The following PBX1 variants were observed in gnomAD, a reference collection of about 807,000 sequenced individuals.
The protein encoded by PBX1 is PBX homeobox 1, also known as pre-B-cell leukemia transcription factor 1.
Under a neutral mutation model 53.4 loss-of-function variants are expected in PBX1, and 6 were observed. The observed-to-expected ratio is 0.11, with a 90% CI of 0.06 to 0.22. The LOEUF is 0.22. PBX1 is among the 10% of genes least tolerant of loss of function. The pLI is 1.00. For synonymous variants in PBX1, 204 were observed against 212.3 expected, an observed-to-expected ratio of 0.96 and a Z score of 0.34; for missense variants, 251 against 551.4, an observed-to-expected ratio of 0.46 and a Z score of 5.46.
chr1:164,823,394 T>TATAAC (rs1553251157), intron 8 of PBX1, among the ~76,000 whole-genome samples: 1 of 151,354 alleles, frequency 6.6e-6, no homozygotes, highest in Non-Finnish European at 1.5e-5. Context: ...CTTTTTGGGA[T>TATAAC]ATAAGTTTTT....
chr1:164,765,676 A>G (rs577857212), intron 2 of PBX1, among the ~76,000 whole-genome samples: 2 of 152,312 alleles, frequency 1.3e-5, no homozygotes, highest in East Asian at 3.9e-4. Flanking sequence ...TGAAGAAACA[A>G]CTGAGGCTTT....
intron 2 of PBX1, among the ~76,000 whole-genome samples, chr1:164,667,714 A>G (rs543952537): frequency 3.3e-5 from 5 of 152,274 alleles, no homozygotes; most frequent in Admixed American, 6.5e-5. Context: ...TGCCGAGACA[A>G]CGCATTTCAA....
At chr1:164,679,041 A>G (rs547385273) in intron 2 of PBX1, among the ~76,000 whole-genome samples, 1 of 152,332 alleles carries the variant, frequency 6.6e-6, no homozygotes, top group East Asian at 1.9e-4. Context: ...TCTTGTATCA[A>G]GACCAGTGTT....
intron 2 of PBX1, among the ~76,000 whole-genome samples, chr1:164,690,079 C>G (rs1391795116): frequency 6.6e-6 from 1 of 152,192 alleles, no homozygotes; most frequent in East Asian, 1.9e-4. Flanking sequence ...GGTACTGACT[C>G]AATTAGAATG....
intron 2 of PBX1, among the ~76,000 whole-genome samples, chr1:164,578,766 T>C (rs1054267475): frequency 6.6e-6 from 1 of 152,230 alleles, no homozygotes; most frequent in Admixed American, 6.5e-5. Flanking sequence ...GCATGCTTTC[T>C]TTGAATCAAG....
At chr1:164,626,261 CCT>C (rs1309709528) in intron 2 of PBX1, among the ~76,000 whole-genome samples, 2 of 152,126 alleles carry the variant, frequency 1.3e-5, no homozygotes, top group African/African-American at 4.8e-5. Context: ...CCTGGGAAAA[CCT>C]CTCTCAGGAT....
At chr1:164,883,715 G>A (rs1167500081) in intron 2 of PBX1, among the ~76,000 whole-genome samples, 1 of 151,972 alleles carries the variant, frequency 6.6e-6, no homozygotes, top group Non-Finnish European at 1.5e-5. Flanking sequence ...TGGGAGCACC[G>A]GCACCTTCCC....
intron 2 of PBX1, chr1:164,642,566 A>C (rs552187729): frequency 6.6e-6 from 1 of 152,332 alleles, no homozygotes; most frequent in African/African-American, 2.4e-5. Flanking sequence ...TGGCCCCATG[A>C]AATCTGTGGT....
chr1:164,874,406 CGTT>C (rs1226396076), intron 2 of PBX1, among the ~76,000 whole-genome samples: 15 of 152,126 alleles, frequency 9.9e-5, no homozygotes, highest in African/African-American at 3.4e-4. Flanking sequence ...TAACTATATG[CGTT>C]GTTGTGTATT....
At chr1:164,686,017 C>G (rs1662071293) in intron 2 of PBX1, among the ~76,000 whole-genome samples, 1 of 152,170 alleles carries the variant, frequency 6.6e-6, no homozygotes, top group African/African-American at 2.4e-5. Flanking sequence ...AGTTTGAATC[C>G]TCCTTCAGAT....
intron 2 of PBX1, among the ~76,000 whole-genome samples, chr1:164,741,735 A>AGTGTGTGTGT (rs1472287507): frequency 3.6e-5 from 3 of 83,516 alleles, no homozygotes; most frequent in Non-Finnish European, 7.9e-5. Flanking sequence ...AGCATGTATG[A>AGTGTGTGTGT]GTGAGTGTGT....
intron 2 of PBX1, among the ~76,000 whole-genome samples, chr1:164,653,169 G>T (rs1368586789): frequency 6.6e-6 from 1 of 152,032 alleles, no homozygotes; most frequent in African/African-American, 2.4e-5. Context: ...ACCCAGCCTT[G>T]TTTAAACTTT....
In PBX1 at chr1:164,812,014, C is replaced by T. The variant is rs1259895025; in HGVS notation, c.862C>T (p.Arg288Ter). The T allele has an allele frequency of 6.2e-7, 1 of 1,613,072 alleles. No individual in the cohort carries two copies. The highest frequency in any genetic ancestry group is 8.5e-7 in the Non-Finnish European group (1 of 1,179,540). ...GGTATCAAACTGGTTTGGAAATAAG[C>T]GAATCCGGTACAAGAAGAACATAGG... ...SQVSNWFGNKRIRYKKNIGKF... is the reference protein window; with the variant it reads ...SQVSNWFGNK Residue 288 changes from arginine to a stop codon, truncating the protein, a stop_gained, in exon 6 of 9, where the codon CGA becomes TGA. Coordinates refer to ENST00000420696, the MANE Select transcript of PBX1 (RefSeq NM_002585.4). LOFTEE classifies it high-confidence loss of function.
intron 2 of PBX1, among the ~76,000 whole-genome samples, chr1:164,573,484 C>CT (rs747696401): frequency 0.013 from 1,386 of 104,570 alleles, 8 homozygotes; most frequent in Non-Finnish European, 0.017. Flanking sequence ...TACAGCACAT[C>CT]TTTTTTTTTT....
chr1:164,709,349 C>T (rs957155138), intron 2 of PBX1, among the ~76,000 whole-genome samples: 2 of 151,908 alleles, frequency 1.3e-5, no homozygotes, highest in East Asian at 1.9e-4. Flanking sequence ...CTTGTTCACT[C>T]GAAATTGTGC....
At chr1:164,807,251 C>T (rs1669404075) in intron 4 of PBX1, among the ~76,000 whole-genome samples, 1 of 152,022 alleles carries the variant, frequency 6.6e-6, no homozygotes, top group Admixed American at 6.6e-5. Flanking sequence ...AGTGAAACTC[C>T]ATCTCAAAAA....
intron 2 of PBX1, among the ~76,000 whole-genome samples, chr1:164,758,060 C>T (rs1380043795): frequency 6.6e-6 from 1 of 152,164 alleles, no homozygotes; most frequent in Non-Finnish European, 1.5e-5. Flanking sequence ...TACCCAGAAC[C>T]ATCTACTTGC....
intron 6 of PBX1, chr1:164,813,614 T>C (rs936487035): frequency 6.6e-6 from 1 of 152,206 alleles, no homozygotes; most frequent in Non-Finnish European, 1.5e-5. Context: ...AGTACAATTC[T>C]GTCAACATTA....
chr1:164,707,637 C>A (rs932501305), intron 2 of PBX1, among the ~76,000 whole-genome samples: 1 of 151,776 alleles, frequency 6.6e-6, no homozygotes, highest in Non-Finnish European at 1.5e-5. Context: ...GTTTAAGAGT[C>A]GCCAAGCCAA....
Sources: allele counts gnomAD v4.1 joint callset (sites outside exome capture counted in the v4.1 genomes callset), GRCh38; gene constraint gnomAD v4.1.1; transcripts MANE v1.5; gene names NCBI Gene and HGNC (gene_info 2026-07-23, HGNC 2026-07-21).